Variants in IL5RA observed in about 807,000 individuals in gnomAD.
IL5RA encodes the protein interleukin-5 receptor subunit alpha.
A neutral mutation model predicts 50.0 loss-of-function variants in IL5RA; 49 were observed. The observed-to-expected ratio is 0.98, with a 90% confidence interval of 0.78 to 1.24. IL5RA has a LOEUF of 1.24. IL5RA is among the 50% of genes most tolerant of loss of function. IL5RA has a pLI of 0.00. For missense variants in IL5RA, 600 were observed against 500.4 expected (o/e 1.20, Z -1.90); for synonymous variants, 202 against 174.0 (o/e 1.16, Z -1.26).
chr3:3,081,349 C>G (rs1702659351), intron 9 of IL5RA, among the ~76,000 whole-genome samples: 1 of 152,226 alleles, frequency 6.6e-6, no homozygotes, highest in Admixed American at 6.5e-5. Context: ...ATCTCTGAAA[C>G]TATTCCATGC....
At chr3:3,096,854 T>C (rs1050580176) in intron 7 of IL5RA, among the ~76,000 whole-genome samples, 1 of 152,362 alleles carries the variant, frequency 6.6e-6, no homozygotes, top group East Asian at 1.9e-4. Flanking sequence ...TTGTAGTGTA[T>C]TTATTAAACC....
intron 4 of IL5RA, 72 bp from the exon 5 acceptor site, chr3:3,101,902 T>C (rs1002306239): frequency 4.5e-6 from 6 of 1,340,220 alleles, no homozygotes; most frequent in Non-Finnish European, 6.2e-6. Flanking sequence ...TAATCAAATA[T>C]GCATTTTCTT....
At chr3:3,087,024 A>C (rs1702893753) in intron 9 of IL5RA, among the ~76,000 whole-genome samples, 1 of 152,144 alleles carries the variant, frequency 6.6e-6, no homozygotes, top group Non-Finnish European at 1.5e-5. Flanking sequence ...GGGTACACAG[A>C]GGCATACAGA....
chr3:3,083,205 C>A (rs920096501), intron 9 of IL5RA, among the ~76,000 whole-genome samples: 1 of 152,142 alleles, frequency 6.6e-6, no homozygotes, highest in African/African-American at 2.4e-5. Flanking sequence ...CAGGAGCAGA[C>A]CTTTTGGGTG....
intron 10 of IL5RA, among the ~76,000 whole-genome samples, chr3:3,075,818 T>C (rs1026256697): frequency 6.6e-6 from 1 of 152,070 alleles, no homozygotes; most frequent in Admixed American, 6.6e-5. Context: ...GCCAGGGTGG[T>C]CTCGATCTCC....
intron 7 of IL5RA, 75 bp from the exon 8 acceptor site, chr3:3,095,519 A>C: frequency 8.4e-7 from 1 of 1,193,276 alleles, no homozygotes; most frequent in Non-Finnish European, 1.2e-6. Context: ...CAATCCACCC[A>C]CACTTCTCAA....
chr3:3,109,027 A>G (rs1295210980), intron 1 of IL5RA, among the ~76,000 whole-genome samples: 2 of 152,230 alleles, frequency 1.3e-5, no homozygotes, highest in Admixed American at 1.3e-4. Flanking sequence ...GTAATTCATT[A>G]AAGCAAGTAC....
chr3:3,101,028 A>G (rs1312382324), intron 5 of IL5RA, among the ~76,000 whole-genome samples: 2 of 148,166 alleles, frequency 1.3e-5, no homozygotes, highest in African/African-American at 2.5e-5. Context: ...ATAATACAAA[A>G]ATTAGTCCAG....
chr3:3,086,349 C>T (rs1291315296), intron 9 of IL5RA, among the ~76,000 whole-genome samples: 3 of 151,972 alleles, frequency 2.0e-5, no homozygotes, highest in African/African-American at 7.3e-5. Flanking sequence ...TTCATGAAGA[C>T]CAGGGTCAGG....
At position 3,106,671 on chromosome 3, in the gene IL5RA, A is replaced by G. The variant is rs143813876; in HGVS notation, c.-3-1684T>C. Among the ~76,000 whole-genome samples the G allele has an allele frequency of 1.2e-4, 19 of 152,334 alleles. No homozygotes were observed. The East Asian group carries it at 3.3e-3, about 26-fold the overall frequency. On this transcript the variant is annotated intron_variant, in intron 2 of 11. Coordinates refer to ENST00000446632, the MANE Select transcript of IL5RA (RefSeq NM_175726.4). ...TAAGGGAAAACACTAGTAATCTACTAAGCCTGAGAAGCAAAGATAAAAATT... is the reference window on the plus strand; with the variant it reads ...TAAGGGAAAACACTAGTAATCTACTGAGCCTGAGAAGCAAAGATAAAAATT...
In IL5RA at chr3:3,097,976, A is replaced by T; in HGVS notation, c.603T>A (p.Thr201=). ...GRNIACWFPR[T]FILSKGRDWL... is the part of the protein sequence containing the mutation. ...AGTCACGCCCTTTGCTGAGGATAAA[A>T]GTCCTGGGAAACCAGCATGCGATAT... is the stretch of plus-strand genomic sequence containing the variant. The change falls in exon 7 of 12, where the codon ACT becomes ACA. Residue 201 remains threonine (T), a synonymous_variant. Transcript: ENST00000446632. The T allele has an allele frequency of 6.2e-7, 1 of 1,614,218 alleles. No homozygotes were observed. Among genetic ancestry groups the T allele is most frequent in the African/African-American group, 1.3e-5 (1 of 75,046 alleles).
intron 11 of IL5RA, among the ~76,000 whole-genome samples, chr3:3,070,839 C>G (rs902512445): frequency 3.9e-5 from 6 of 152,050 alleles, no homozygotes; most frequent in Non-Finnish European, 5.9e-5. Flanking sequence ...CCTCGGCCTC[C>G]CAAAATGCTG....
At chr3:3,094,848 C>A (rs1269158007) in intron 8 of IL5RA, among the ~76,000 whole-genome samples, 1 of 152,038 alleles carries the variant, frequency 6.6e-6, no homozygotes, top group Non-Finnish European at 1.5e-5. Context: ...TCAGCCCCTG[C>A]CCCCGAGTAG....
At chr3:3,087,486 T>G (rs1702917552) in intron 9 of IL5RA, among the ~76,000 whole-genome samples, 1 of 152,232 alleles carries the variant, frequency 6.6e-6, no homozygotes, top group Admixed American at 6.5e-5. Context: ...TATAATGGGT[T>G]AATTAGTTAA....
Position 3,074,422 on chromosome 3 carries a change from T to C in IL5RA, c.1176+360A>G, listed in dbSNP as rs139812018. 3.3e-5 allele frequency among the ~76,000 whole-genome samples: 5 copies of C among 152,302 alleles called. No homozygotes were observed. The East Asian group carries it at 9.6e-4, about 29-fold the overall frequency. ...ATTTAAGTCTAACTGTCAAGAACAC[T>C]TATAACTCAGTACCTTTCCAATATG... is the stretch of plus-strand genomic sequence containing the variant. On this transcript the variant is annotated intron_variant, in intron 11 of 11. Transcript: ENST00000446632.
intron 3 of IL5RA, 115 bp from the exon 4 acceptor site, chr3:3,102,935 C>T: frequency 1.3e-6 from 1 of 746,076 alleles, no homozygotes; most frequent in Non-Finnish European, 2.1e-6. Context: ...CTGCCAGCAC[C>T]ACAGACACAG....
rs374626993 is a variant in IL5RA, at chr3:3,075,642, C to T, written c.1092-776G>A. Among the ~76,000 whole-genome samples, 8 of 151,894 alleles carry T rather than the reference C, an allele frequency of 5.3e-5. No homozygotes were observed. The East Asian group carries it at 1.5e-3, about 29-fold the overall frequency. ...TTGAGACACAGTCTCACTCTGTCCC[C>T]CAGGCTGGAGTGCAATGGTACGATC... On this transcript the variant is annotated intron_variant, in intron 10 of 11. Coordinates refer to ENST00000446632, the MANE Select transcript of IL5RA (RefSeq NM_175726.4).
chr3:3,084,998 C>T (rs1702798442), intron 9 of IL5RA, among the ~76,000 whole-genome samples: 1 of 152,238 alleles, frequency 6.6e-6, no homozygotes. Context: ...GTGGGAACTC[C>T]CTGCTCCTGG....
intron 9 of IL5RA, among the ~76,000 whole-genome samples, chr3:3,085,235 C>A (rs898029026): frequency 6.6e-6 from 1 of 152,210 alleles, no homozygotes; most frequent in Non-Finnish European, 1.5e-5. Flanking sequence ...CTAAGTGGGT[C>A]TTTCATGTTG....
Sources: allele counts gnomAD v4.1 joint callset (sites outside exome capture counted in the v4.1 genomes callset), GRCh38; gene constraint gnomAD v4.1.1; transcripts MANE v1.5; gene names NCBI Gene and HGNC (gene_info 2026-07-23, HGNC 2026-07-21).